CDS1: variants seen among roughly 807,000 people sequenced by gnomAD.
CDS1 encodes phosphatidate cytidylyltransferase 1.
CDS1 carries 41 observed loss-of-function variants against 62.1 expected under a neutral mutation model. The ratio of observed to expected loss-of-function variants is 0.66; its 90% CI spans 0.51 to 0.86. The LOEUF is 0.86. CDS1 is among the 40% of genes least tolerant of loss of function. The probability of loss-of-function intolerance (pLI) is 0.00; values close to 1 mark genes in which losing one functional copy is unlikely to be tolerated. For missense variants in CDS1, 470 were observed against 550.1 expected (o/e 0.85, Z 1.46); for synonymous variants, 185 against 192.6 (o/e 0.96, Z 0.32).
intron 3 of CDS1, among the ~76,000 whole-genome samples, chr4:84,617,037 G>A (rs980719228): frequency 2.6e-5 from 4 of 152,196 alleles, no homozygotes; most frequent in Non-Finnish European, 5.9e-5. Context: ...CTGGGAGGAT[G>A]AAAAGGCCAT....
chr4:84,630,348 G>A (rs2148654399), intron 5 of CDS1, among the ~76,000 whole-genome samples: 1 of 152,212 alleles, frequency 6.6e-6, no homozygotes, highest in East Asian at 1.9e-4. Context: ...GCTTGTGCAG[G>A]CCAGTTAGTT....
At chr4:84,590,108 GC>G (rs1464353548) in intron 1 of CDS1, among the ~76,000 whole-genome samples, 4 of 152,222 alleles carry the variant, frequency 2.6e-5, no homozygotes, top group Admixed American at 2.6e-4. Context: ...ACCTCACCCA[GC>G]CTAAGGCAGG....
intron 1 of CDS1, among the ~76,000 whole-genome samples, chr4:84,598,720 A>G (rs1722831964): frequency 2.0e-5 from 3 of 152,140 alleles, no homozygotes; most frequent in Admixed American, 6.5e-5. Context: ...AGGCCCTCCT[A>G]CCTCAGCTTC....
chr4:84,598,082 T>C (rs1013461179), intron 1 of CDS1, among the ~76,000 whole-genome samples: 3 of 146,956 alleles, frequency 2.0e-5, no homozygotes, highest in African/African-American at 7.6e-5. Context: ...GCCGAGATCG[T>C]GCCACTGCAC....
Position 84,583,157 on chromosome 4 carries a change from C to T in CDS1, c.-245C>T. On this transcript the variant is annotated 5_prime_UTR_variant, in exon 1 of 13. Coordinates refer to ENST00000295887, the MANE Select transcript of CDS1 (RefSeq NM_001263.4). ...CTCTGCTCGCGCCTGGCGCCCGGAG[C>T]CTGCCCGGGACCTCCGCCGGAGCCG... The T allele has an allele frequency of 4.6e-6, 2 of 437,316 alleles. No individual in the cohort carries two copies. The highest frequency in any genetic ancestry group is 4.0e-5 in the East Asian group (1 of 24,970). 27.1% of individuals were successfully genotyped at this position (437,316 alleles called of 1,614,324 possible). A position where few individuals can be genotyped will look rare whatever the true frequency, so the allele number is the denominator to read the frequency against.
Position 84,645,166 on chromosome 4 carries a change from A to C in CDS1, c.1153-56A>C, listed in dbSNP as rs1724519493. ...TGACGCCAAAGAGACACAGATAGGA[A>C]TTTTATAGCAGGTGATTTTTTGAAA... On this transcript the variant is annotated intron_variant, in intron 11 of 12. Transcript: ENST00000295887. The C allele has an allele frequency of 4.5e-6, 5 of 1,114,070 alleles. 1 individual carries two copies. In the South Asian group the frequency reaches 6.2e-5, roughly 14 times the overall value. The allele number at this position is 1,114,070 out of a possible 1,614,324, so 69.0% of individuals were successfully genotyped here.
chr4:84,639,049 A>G, intron 9 of CDS1, 57 bp downstream of exon 9: 1 of 790,450 alleles, frequency 1.3e-6, no homozygotes, highest in Non-Finnish European at 1.9e-6. Context: ...TACCAAGCTT[A>G]CTGGTCTAAT....
At chr4:84,626,024 G>A (rs1166018190) in intron 5 of CDS1, among the ~76,000 whole-genome samples, 13 of 151,854 alleles carry the variant, frequency 8.6e-5, no homozygotes, top group African/African-American at 2.7e-4. Context: ...AAAATTAGCC[G>A]GGCGTGGTGG....
intron 8 of CDS1, among the ~76,000 whole-genome samples, chr4:84,637,262 G>A (rs1351147613): frequency 6.6e-6 from 1 of 152,152 alleles, no homozygotes; most frequent in East Asian, 1.9e-4. Context: ...GTTCTACCCA[G>A]ACTGAGAAGT....
chr4:84,615,278 A>T (rs1432912266), intron 3 of CDS1, among the ~76,000 whole-genome samples: 1 of 151,440 alleles, frequency 6.6e-6, no homozygotes, highest in African/African-American at 2.4e-5. Flanking sequence ...CTCCGCTACC[A>T]CTTCACCTGG....
chr4:84,609,156 G>A (rs1303717991), intron 2 of CDS1, among the ~76,000 whole-genome samples: 1 of 146,678 alleles, frequency 6.8e-6, no homozygotes, highest in Non-Finnish European at 1.5e-5. Flanking sequence ...TCCAGCCTGG[G>A]TGCGACAGAG....
intron 4 of CDS1, among the ~76,000 whole-genome samples, chr4:84,618,915 G>A (rs2148647860): frequency 6.6e-6 from 1 of 152,226 alleles, no homozygotes; most frequent in East Asian, 1.9e-4. Flanking sequence ...GTAGTTACGA[G>A]TTAATTTTCA....
intron 3 of CDS1, among the ~76,000 whole-genome samples, chr4:84,610,801 T>C (rs1723296246): frequency 6.6e-6 from 1 of 152,154 alleles, no homozygotes; most frequent in African/African-American, 2.4e-5. Flanking sequence ...ATTTATAGCC[T>C]AGGACCAATA....
Position 84,602,699 on chromosome 4 carries a change from A to G in CDS1, c.118-1544A>G, listed in dbSNP as rs186157852. Reference sequence around the variant, plus strand: ...GTGAAAAGAAAATGGCAGGGAAAAGAAAAAAAAAACTGATGTGTTTCCCTT... The same window carrying G: ...GTGAAAAGAAAATGGCAGGGAAAAGGAAAAAAAAACTGATGTGTTTCCCTT... On this transcript the variant is annotated intron_variant, in intron 1 of 12. Transcript: ENST00000295887. 3.4e-4 allele frequency among the ~76,000 whole-genome samples: 51 copies of G among 149,818 alleles called. No individual in the cohort carries two copies. The East Asian group carries it at 9.6e-3, about 28-fold the overall frequency.
At chr4:84,607,147 GA>G (rs1723119465) in intron 2 of CDS1, among the ~76,000 whole-genome samples, 1 of 152,106 alleles carries the variant, frequency 6.6e-6, no homozygotes, top group African/African-American at 2.4e-5. Flanking sequence ...TCATAAGCTG[GA>G]AAAAAATGTA....
At chr4:84,619,621 T>C (rs1028154893) in intron 5 of CDS1, 88 bp downstream of exon 5, 14 of 800,710 alleles carry the variant, frequency 1.7e-5, no homozygotes, top group Admixed American at 3.2e-5. Context: ...AGTAATTTTT[T>C]GGTTAAATTT....
chr4:84,593,793 C>T (rs1490498587), intron 1 of CDS1, among the ~76,000 whole-genome samples: 4 of 152,210 alleles, frequency 2.6e-5, no homozygotes, highest in South Asian at 2.1e-4. Flanking sequence ...CATGAGCCAC[C>T]GTGCTGGCCT....
intron 5 of CDS1, among the ~76,000 whole-genome samples, chr4:84,630,108 C>G (rs963319962): frequency 6.6e-6 from 1 of 152,072 alleles, no homozygotes; most frequent in Non-Finnish European, 1.5e-5. Flanking sequence ...ACAAAAACAG[C>G]ATAGAAATTA....
intron 6 of CDS1, 21 bp downstream of exon 6, chr4:84,631,898 C>T: frequency 6.5e-7 from 1 of 1,543,490 alleles, no homozygotes; most frequent in Non-Finnish European, 8.9e-7. Flanking sequence ...ACTATTATTC[C>T]TTAGTCATTA....
Sources: allele counts gnomAD v4.1 joint callset (sites outside exome capture counted in the v4.1 genomes callset), GRCh38; gene constraint gnomAD v4.1.1; transcripts MANE v1.5; gene names NCBI Gene and HGNC (gene_info 2026-07-23, HGNC 2026-07-21).